MYT1L: variants seen among roughly 807,000 people sequenced by gnomAD.
MYT1L encodes the protein myelin transcription factor 1 like, also known as myelin transcription factor 1-like protein.
In MYT1L, 12 loss-of-function variants were observed where a neutral mutation model predicts 126.7. That is an observed-to-expected ratio of 0.09 (90% CI 0.06 to 0.15). The LOEUF (loss-of-function observed/expected upper bound fraction) is 0.15. Among genes scored for constraint, MYT1L ranks in the 10% least tolerant of loss-of-function variants. The pLI is 1.00. For synonymous variants in MYT1L, 541 were observed against 604.2 expected (o/e 0.90, Z 1.53); for missense variants, 979 against 1,585.2 (o/e 0.62, Z 6.49).
At chr2:1,986,925 A>C (rs2061075297) in intron 5 of MYT1L, among the ~76,000 whole-genome samples, 1 of 152,234 alleles carries the variant, frequency 6.6e-6, no homozygotes, top group Non-Finnish European at 1.5e-5. Context: ...GCTGGGCAGG[A>C]AGGCACCCCT....
Position 1,910,158 on chromosome 2 carries a change from C to T in MYT1L, c.1817+82G>A, listed in dbSNP as rs892107427. ...CTGCCCCTGCTGCTGTAGGGACATGCCCTGAGCGGGTGTCCCCAGCGCTCC... is the reference window on the plus strand; with the variant it reads ...CTGCCCCTGCTGCTGTAGGGACATGTCCTGAGCGGGTGTCCCCAGCGCTCC... On this transcript the variant is annotated intron_variant, in intron 13 of 24. Transcript: ENST00000647738. This position sits in a 1 kb window ranked among gnomAD's most constrained non-coding sequence, Gnocchi z 4.8. The T allele has an allele frequency of 1.6e-6, 2 of 1,279,140 alleles. No individual in the cohort carries two copies. The highest frequency in any genetic ancestry group is 2.2e-6 in the Non-Finnish European group (2 of 901,836). The allele number at this position is 1,279,140 out of a possible 1,614,324, so 79.2% of individuals were successfully genotyped here. A position where few individuals can be genotyped will look rare whatever the true frequency, so the allele number is the denominator to read the frequency against.
Position 1,917,230 on chromosome 2 carries a change from C to A in MYT1L, c.1593G>T (p.Pro531=). The A allele has an allele frequency of 6.2e-7, 1 of 1,613,184 alleles. No individual in the cohort carries two copies. The highest frequency in any genetic ancestry group is 8.5e-7 in the Non-Finnish European group (1 of 1,179,300). The part of the protein sequence containing the change: ...YPHHRSLSGC[P]HKDRVPPEIL... ...TTTCTGGAGGGACCCTATCTTTGTG[C>A]GGGCATCCGGACAGGCTGCGGTGAT... Residue 531 remains proline, a synonymous_variant, in exon 11 of 25, where the codon CCG becomes CCT. Coordinates refer to ENST00000647738, the MANE Select transcript of MYT1L (RefSeq NM_001303052.2). This position sits in a 1 kb window ranked among gnomAD's most constrained non-coding sequence, Gnocchi z 5.9.
chr2:2,016,258 G>A (rs956798030), intron 4 of MYT1L, among the ~76,000 whole-genome samples: 24 of 152,212 alleles, frequency 1.6e-4, no homozygotes, highest in African/African-American at 5.5e-4. Context: ...GATATGCCAG[G>A]GGAGAGAGGC....
chr2:2,254,166 G>C (rs1328696152), intron 2 of MYT1L, among the ~76,000 whole-genome samples: 1 of 152,148 alleles, frequency 6.6e-6, no homozygotes, highest in African/African-American at 2.4e-5. Flanking sequence ...CAACATATAA[G>C]GTTTTGCATA....
At chr2:2,111,708 A>G (rs72767383) in intron 3 of MYT1L, among the ~76,000 whole-genome samples, 6,522 of 152,306 alleles carry the variant, frequency 0.043, 205 homozygotes, top group Non-Finnish European at 0.065. Context: ...GGAGAAACCT[A>G]CTAGAATAGT....
intron 1 of MYT1L, among the ~76,000 whole-genome samples, chr2:2,317,208 A>G (rs564333398): frequency 1.1e-4 from 17 of 152,278 alleles, no homozygotes; most frequent in Non-Finnish European, 2.2e-4. Context: ...GATTAGACTC[A>G]TCAATCAAAC....
chr2:2,266,772 A>G (rs1264901575), intron 2 of MYT1L, among the ~76,000 whole-genome samples: 3 of 152,110 alleles, frequency 2.0e-5, no homozygotes, highest in Admixed American at 6.5e-5. Flanking sequence ...TGGTAGAATA[A>G]GTCTCATGAG....
At chr2:2,113,884 C>T (rs1439681966) in intron 3 of MYT1L, among the ~76,000 whole-genome samples, 1 of 151,412 alleles carries the variant, frequency 6.6e-6, no homozygotes, top group African/African-American at 2.4e-5. Context: ...GTTATGAAAA[C>T]ATTACTGCCT....
chr2:2,189,927 G>T (rs1365385073), intron 2 of MYT1L, among the ~76,000 whole-genome samples: 1 of 152,062 alleles, frequency 6.6e-6, no homozygotes, highest in Non-Finnish European at 1.5e-5. Flanking sequence ...AGGACGCACG[G>T]GGAGAAGCGC....
At chr2:1,818,299 G>C (rs1403122508) in intron 21 of MYT1L, among the ~76,000 whole-genome samples, 1 of 152,200 alleles carries the variant, frequency 6.6e-6, no homozygotes, top group Admixed American at 6.5e-5. Flanking sequence ...ACAAAGAGCT[G>C]CGGGTGGGAA....
rs1221195231 is a variant in MYT1L, at chr2:1,848,919, C to A, written c.2774+2722G>T. ...CTCCACCTTCAGTACGCTAAAACCC[C>A]GAGAGGGCTCTGTCTAGGTCTCAGA... On this transcript the variant is annotated intron_variant, in intron 19 of 24. Transcript: ENST00000647738. The surrounding 1 kb of genome is among the most constrained non-coding windows in gnomAD (Gnocchi z 4.8). 6.6e-6 allele frequency among the ~76,000 whole-genome samples: 1 copy of A among 152,104 alleles called. No individual in the cohort carries two copies. The highest frequency in any genetic ancestry group is 1.5e-5 in the Non-Finnish European group (1 of 68,006).
At chr2:2,097,746 G>A (rs1214918763) in intron 3 of MYT1L, among the ~76,000 whole-genome samples, 1 of 152,136 alleles carries the variant, frequency 6.6e-6, no homozygotes, top group East Asian at 1.9e-4. Flanking sequence ...TACTCATCGG[G>A]TATATGATGA....
chr2:2,133,154 C>T (rs1299256050), intron 3 of MYT1L, among the ~76,000 whole-genome samples: 2 of 152,146 alleles, frequency 1.3e-5, no homozygotes, highest in Non-Finnish European at 2.9e-5. Flanking sequence ...CCAGCATTAC[C>T]CACCTTGTGC....
chr2:2,283,699 T>C (rs2095480800), intron 2 of MYT1L, among the ~76,000 whole-genome samples: 1 of 152,168 alleles, frequency 6.6e-6, no homozygotes, highest in African/African-American at 2.4e-5. Flanking sequence ...GGTCAGGCAA[T>C]GCTACTCTTT....
chr2:1,804,551 C>T (rs1038393373), intron 22 of MYT1L, among the ~76,000 whole-genome samples: 1 of 152,210 alleles, frequency 6.6e-6, no homozygotes, highest in Non-Finnish European at 1.5e-5. Context: ...AGAAAATCCA[C>T]CCACTGGACA....
At chr2:1,804,384 A>ACTG (rs74164541) in intron 22 of MYT1L, among the ~76,000 whole-genome samples, 2,979 of 152,116 alleles carry the variant, frequency 0.02, 57 homozygotes, top group Non-Finnish European at 0.032. Flanking sequence ...AGCCTCCCAA[A>ACTG]CTGCTGGGAT....
intron 4 of MYT1L, among the ~76,000 whole-genome samples, chr2:2,019,899 G>A (rs1037228674): frequency 1.3e-5 from 2 of 151,956 alleles, no homozygotes; most frequent in African/African-American, 4.8e-5. Context: ...AGGCTGGAGT[G>A]CAGTAGCAGA....
At chr2:1,973,477 C>CA (rs1240482431) in intron 8 of MYT1L, among the ~76,000 whole-genome samples, 16 of 151,328 alleles carry the variant, frequency 1.1e-4, no homozygotes, top group Non-Finnish European at 2.4e-4. Context: ...CATGCAAAGC[C>CA]AAAAAAAACC....
intron 1 of MYT1L, among the ~76,000 whole-genome samples, chr2:2,286,091 T>C (rs1486968071): frequency 6.6e-6 from 1 of 152,194 alleles, no homozygotes; most frequent in African/African-American, 2.4e-5. Flanking sequence ...CAAGTGATAC[T>C]CCTGCCTCAG....
Sources: gnomAD v4.1 joint callset for allele counts (sites outside exome capture counted in the v4.1 genomes callset) on GRCh38, gnomAD v4.1.1 for gene constraint, Gnocchi (gnomAD v3.1) non-coding constraint, MANE v1.5 for transcripts, NCBI Gene and HGNC (gene_info 2026-07-23, HGNC 2026-07-21) for gene names.